SULT1C3: variants seen among roughly 807,000 people sequenced by gnomAD.
SULT1C3 encodes the protein sulfotransferase family 1C member 3.
In SULT1C3, 31 loss-of-function variants were observed where a neutral mutation model predicts 28.4. The ratio of observed to expected loss-of-function variants is 1.09; its 90% CI spans 0.82 to 1.47. The LOEUF (loss-of-function observed/expected upper bound fraction) is 1.47. SULT1C3 is among the 40% of genes most tolerant of loss of function. The pLI is 0.00. For synonymous variants in SULT1C3, 106 were observed against 92.2 expected (o/e 1.15, Z -0.86); for missense variants, 307 against 272.5 (o/e 1.13, Z -0.89).
At chr2:108,263,106 C>T (rs1029010777), downstream of SULT1C3, among the ~76,000 whole-genome samples, 2 of 152,232 alleles carry the variant, frequency 1.3e-5, no homozygotes, top group African/African-American at 4.8e-5. Flanking sequence ...GGGTTGATCA[C>T]CCTTATCTTG....
chr2:108,253,447 A>G lies in SULT1C3; in HGVS notation c.399+5A>G. On this transcript the variant is annotated splice_donor_5th_base_variant and intron_variant, in intron 4 of 7. Coordinates refer to ENST00000681802, the MANE Select transcript of SULT1C3 (RefSeq NM_001320878.2). The stretch of plus-strand genomic sequence containing the variant: ...ATCTGGAAAGAAAACTGCAAGGTAT[A>G]AAGAGGGGGCTTTTCAAACTTCTCT... The G allele has an allele frequency of 6.8e-7, 1 of 1,477,368 alleles. No individual in the cohort carries two copies. Among genetic ancestry groups the G allele is most frequent in the Non-Finnish European group, 9.1e-7 (1 of 1,103,074 alleles). 91.5% of individuals were successfully genotyped at this position (1,477,368 alleles called of 1,614,324 possible).
At chr2:108,262,171 C>A (rs75722700), downstream of SULT1C3, among the ~76,000 whole-genome samples, 72 of 152,176 alleles carry the variant, frequency 4.7e-4, no homozygotes, top group East Asian at 0.014. Flanking sequence ...CTTGATCACT[C>A]CTGCCTAGTC....
intron 1 of SULT1C3, among the ~76,000 whole-genome samples, chr2:108,246,923 T>C (rs757819694): frequency 3.3e-5 from 5 of 152,178 alleles, no homozygotes; most frequent in Non-Finnish European, 5.9e-5. Context: ...CAGGTATTGA[T>C]TATTTTACTT....
chr2:108,264,525 G>T (rs997922952), downstream of SULT1C3, among the ~76,000 whole-genome samples: 1 of 152,038 alleles, frequency 6.6e-6, no homozygotes, highest in African/African-American at 2.4e-5. Context: ...AAATCTCCTG[G>T]CACTCTGTCT....
At chr2:108,258,412 C>T (rs1446937416) in intron 5 of SULT1C3, among the ~76,000 whole-genome samples, 3 of 152,018 alleles carry the variant, frequency 2.0e-5, no homozygotes, top group African/African-American at 7.2e-5. Context: ...GAGGACCCTA[C>T]CCATTTATAG....
downstream of SULT1C3, chr2:108,265,290 T>A (rs368941980): frequency 3.2e-5 from 51 of 1,613,904 alleles, no homozygotes; most frequent in African/African-American, 6.3e-4. Context: ...AATGAAGAAT[T>A]TGACAAGGAC....
chr2:108,253,719 T>C (rs893351569), intron 4 of SULT1C3, among the ~76,000 whole-genome samples: 3 of 152,102 alleles, frequency 2.0e-5, no homozygotes, highest in South Asian at 2.1e-4. Flanking sequence ...AGAGAGTGTA[T>C]TGGGAGCTAG....
In SULT1C3 at chr2:108,247,179, C is replaced by T; in HGVS notation, c.-7-9C>T. The T allele has an allele frequency of 6.7e-7, 1 of 1,499,442 alleles. No individual in the cohort carries two copies. The allele number at this position is 1,499,442 out of a possible 1,614,324, so 92.9% of individuals were successfully genotyped here. A position where few individuals can be genotyped will look rare whatever the true frequency, so the allele number is the denominator to read the frequency against. On this transcript the variant is annotated splice_polypyrimidine_tract_variant and intron_variant, in intron 1 of 7. Transcript: ENST00000681802. ...AAATTTTAATTAGTATTGATCTTAC[C>T]CATCCCAGATTCCCAATGGCGAAGA... is the stretch of plus-strand genomic sequence containing the variant.
At position 108,253,370 on chromosome 2, in the gene SULT1C3, C is replaced by T; in HGVS notation, c.327C>T (p.Ser109=). 6.4e-7 allele frequency: 1 copy of T among 1,558,968 alleles called. No homozygotes were observed. Among genetic ancestry groups the T allele is most frequent in the Non-Finnish European group, 8.7e-7 (1 of 1,154,870 alleles). Residue 109 remains serine, a synonymous_variant, in exon 4 of 8, where the codon TCC becomes TCT. Transcript: ENST00000681802. ...ATTTGGAGTTCGTTCTTGAAATGTC[C>T]TCACCACAACTGATAAAAACACATC... ...KPDLEFVLEM[S]SPQLIKTHLP... is the part of the protein sequence containing the mutation.
intron 1 of SULT1C3, among the ~76,000 whole-genome samples, chr2:108,244,003 G>T (rs763850220): frequency 6.6e-6 from 1 of 152,228 alleles, no homozygotes; most frequent in Non-Finnish European, 1.5e-5. Context: ...TTACTATTAT[G>T]TTGGGCTGGC....
intron 4 of SULT1C3, among the ~76,000 whole-genome samples, chr2:108,254,722 TATATGTATATATGTATGTATGCATAC>T: frequency 6.9e-6 from 1 of 145,454 alleles, no homozygotes; most frequent in South Asian, 2.1e-4. Flanking sequence ...TGTATGTATA[TATATGTATATATGTATGTATGCATAC>T]ATATGTATGT....
intron 1 of SULT1C3, among the ~76,000 whole-genome samples, chr2:108,244,294 T>C (rs1675531461): frequency 6.6e-6 from 1 of 152,164 alleles, no homozygotes; most frequent in South Asian, 2.1e-4. Context: ...CCCTTCCCCC[T>C]AGCTCAACTC....
intron 5 of SULT1C3, 68 bp from the exon 6 acceptor site, chr2:108,258,666 C>A: frequency 1.8e-6 from 2 of 1,138,892 alleles, no homozygotes; most frequent in Non-Finnish European, 2.6e-6. Flanking sequence ...CAAAGGAGCA[C>A]TAATTTACTT....
chr2:108,243,659 C>G (rs920065762), intron 1 of SULT1C3, among the ~76,000 whole-genome samples: 3 of 151,790 alleles, frequency 2.0e-5, no homozygotes, highest in Non-Finnish European at 2.9e-5. Flanking sequence ...ATACTTCCCT[C>G]TTGCCTGGGA....
downstream of SULT1C3, chr2:108,264,783 A>G (rs754843225): frequency 6.4e-7 from 1 of 1,557,626 alleles, no homozygotes; most frequent in Non-Finnish European, 8.7e-7. Flanking sequence ...CCCCAAGGGA[A>G]GACCCAACAT....
downstream of SULT1C3, among the ~76,000 whole-genome samples, chr2:108,263,680 C>T (rs1188312985): frequency 6.6e-6 from 1 of 152,136 alleles, no homozygotes; most frequent in African/African-American, 2.4e-5. Context: ...TTTAAGAAAG[C>T]ACAACTTAGG....
At chr2:108,240,865 A>G (rs1675446596) in intron 1 of SULT1C3, among the ~76,000 whole-genome samples, 1 of 152,372 alleles carries the variant, frequency 6.6e-6, no homozygotes, top group Non-Finnish European at 1.5e-5. Flanking sequence ...AGAATACACT[A>G]TAGTCTTATA....
Position 108,260,627 on chromosome 2 carries a change from C to A in SULT1C3, c.862C>A (p.His288Asn), listed in dbSNP as rs752198018. ...GGCTTTGAATGAGAACTTTGATAAG[C>A]ATTATGAAAAGAAGATGGCAGGGTC... ...TVALNENFDKHYEKKMAGSTL... is the reference protein window; with the variant it reads ...TVALNENFDKNYEKKMAGSTL... The change falls in exon 8 of 8, where the codon CAT becomes AAT. Residue 288 changes from histidine (H) to asparagine (N), a missense_variant. Physicochemically the swap from His to Asn is moderately conservative, Grantham distance 68 (BLOSUM62 1). Transcript: ENST00000681802. The A allele has an allele frequency of 4.6e-5, 23 of 499,212 alleles. No individual in the cohort carries two copies. The Middle Eastern group carries it at 9.6e-4, about 21-fold the overall frequency. The allele number at this position is 499,212 out of a possible 1,614,324, so 30.9% of individuals were successfully genotyped here. A position where few individuals can be genotyped will look rare whatever the true frequency, so the allele number is the denominator to read the frequency against.
chr2:108,252,561 T>G, intron 3 of SULT1C3, 68 bp downstream of exon 3: 2 of 1,558,870 alleles, frequency 1.3e-6, no homozygotes, highest in Non-Finnish European at 1.7e-6. Flanking sequence ...GTACTGTCTC[T>G]GATAGAGCAT....
Sources: gnomAD v4.1 joint callset for allele counts (sites outside exome capture counted in the v4.1 genomes callset) on GRCh38, gnomAD v4.1.1 for gene constraint, MANE v1.5 for transcripts, NCBI Gene and HGNC (gene_info 2026-07-23, HGNC 2026-07-21) for gene names.